NAALADL2: variants seen among roughly 807,000 people sequenced by gnomAD.
NAALADL2 encodes the protein N-acetylated alpha-linked acidic dipeptidase like 2.
A neutral mutation model predicts 87.2 loss-of-function variants in NAALADL2; 76 were observed. That is an observed-to-expected ratio of 0.87 (90% CI 0.72 to 1.05). The LOEUF is 1.05. Ranked by LOEUF, NAALADL2 falls within the 50% of genes least tolerant of loss-of-function variation. NAALADL2 has a pLI of 0.00. For synonymous variants in NAALADL2, 354 were observed against 331.0 expected (o/e 1.07, Z -0.75); for missense variants, 1,089 against 945.8 (o/e 1.15, Z -1.99).
At chr3:175,789,228 C>A (rs1237576301) in intron 13 of NAALADL2, among the ~76,000 whole-genome samples, 11 of 152,108 alleles carry the variant, frequency 7.2e-5, no homozygotes, top group Admixed American at 7.2e-4. Flanking sequence ...GATGAATGAG[C>A]TCTCAAGGTA....
intron 3 of NAALADL2, among the ~76,000 whole-genome samples, chr3:174,842,650 A>G (rs541626263): frequency 6.6e-6 from 1 of 152,258 alleles, no homozygotes; most frequent in Non-Finnish European, 1.5e-5. Context: ...TTCACAGCAG[A>G]TAATTACAAT....
rs1029778320 is a variant in NAALADL2, at chr3:175,018,071, T to A, written c.44-78719T>A. ...GCCATGCCACCTTTTGGATAAGAGG[T>A]CTCCATGTTTATATTCAAAATATCA... On this transcript the variant is annotated intron_variant, in intron 1 of 13. Coordinates refer to ENST00000454872, the MANE Select transcript of NAALADL2 (RefSeq NM_207015.3). 2.0e-5 allele frequency among the ~76,000 whole-genome samples: 3 copies of A among 152,082 alleles called. No homozygotes were observed. The South Asian group carries it at 6.2e-4, about 32-fold the overall frequency.
At chr3:174,759,885 G>T (rs1392285373) in intron 3 of NAALADL2, among the ~76,000 whole-genome samples, 1 of 152,072 alleles carries the variant, frequency 6.6e-6, no homozygotes, top group South Asian at 2.1e-4. Context: ...ATTTTCAGTA[G>T]ACATGGGGTT....
intron 4 of NAALADL2, among the ~76,000 whole-genome samples, chr3:175,262,844 AAGGCAAACTT>A (rs551739662): frequency 1.3e-5 from 2 of 151,958 alleles, no homozygotes; most frequent in Non-Finnish European, 2.9e-5. Flanking sequence ...TCTGTATAGG[AAGGCAAACTT>A]GCCTCTTTTT....
chr3:174,894,461 G>A (rs1444108525), intron 1 of NAALADL2, among the ~76,000 whole-genome samples: 1 of 151,632 alleles, frequency 6.6e-6, no homozygotes, highest in Non-Finnish European at 1.5e-5. Flanking sequence ...GGGCGTGGTG[G>A]TGCACACCTG....
intron 4 of NAALADL2, among the ~76,000 whole-genome samples, chr3:175,291,144 C>A (rs1286671964): frequency 1.3e-5 from 2 of 152,002 alleles, no homozygotes; most frequent in Non-Finnish European, 2.9e-5. Context: ...ATATGTATGT[C>A]AATGGATCAA....
chr3:174,794,981 CTTTTTTTTTTTTTT>C (rs772447340), intron 3 of NAALADL2, among the ~76,000 whole-genome samples: 1 of 66,696 alleles, frequency 1.5e-5, no homozygotes, highest in Non-Finnish European at 2.8e-5. Context: ...TCTAGTCCAG[CTTTTTTTTTTTTTT>C]TTTTTTTTTT....
At chr3:174,576,211 G>A (rs1218769152) in intron 2 of NAALADL2, among the ~76,000 whole-genome samples, 1 of 152,090 alleles carries the variant, frequency 6.6e-6, no homozygotes, top group African/African-American at 2.4e-5. Flanking sequence ...AACTCTAGGA[G>A]CCAAATGGAA....
intron 2 of NAALADL2, among the ~76,000 whole-genome samples, chr3:174,557,301 T>C (rs1479267979): frequency 6.6e-6 from 1 of 152,216 alleles, no homozygotes; most frequent in African/African-American, 2.4e-5. Flanking sequence ...ATTTTTAAAC[T>C]ACTATGAATA....
chr3:175,607,287 T>A lies in NAALADL2; in HGVS notation c.1801-20004T>A, dbSNP rs139052403. Reference sequence around the variant, plus strand: ...AAATTTATAATCTCATATTCATTGTTACATTTTATTGTATTTTTCTCAGAT... The same window carrying A: ...AAATTTATAATCTCATATTCATTGTAACATTTTATTGTATTTTTCTCAGAT... On this transcript the variant is annotated intron_variant, in intron 10 of 13. Transcript: ENST00000454872. Among the ~76,000 whole-genome samples, 548 of 152,346 alleles carry A rather than the reference T, an allele frequency of 3.6e-3. 1 individual carries two copies. Among genetic ancestry groups the A allele is most frequent in the African/African-American group, 0.013 (520 of 41,580 alleles).
intron 9 of NAALADL2, among the ~76,000 whole-genome samples, chr3:175,515,220 G>C (rs569338529): frequency 6.6e-6 from 1 of 152,226 alleles, no homozygotes; most frequent in African/African-American, 2.4e-5. Context: ...TTAAAAATAG[G>C]CTATAAATTA....
intron 1 of NAALADL2, among the ~76,000 whole-genome samples, chr3:174,997,287 C>T (rs893622792): frequency 2.6e-5 from 4 of 151,944 alleles, no homozygotes; most frequent in African/African-American, 9.7e-5. Context: ...TTTACATTCC[C>T]ACCAGCAGTG....
At chr3:175,668,859 T>C (rs894680246) in intron 11 of NAALADL2, among the ~76,000 whole-genome samples, 1 of 152,168 alleles carries the variant, frequency 6.6e-6, no homozygotes, top group African/African-American at 2.4e-5. Flanking sequence ...TATTTGTTTT[T>C]CAGATGCAAA....
At chr3:175,109,928 G>C (rs923504605) in intron 2 of NAALADL2, among the ~76,000 whole-genome samples, 6 of 151,930 alleles carry the variant, frequency 3.9e-5, no homozygotes, top group African/African-American at 1.4e-4. Flanking sequence ...CTATTCATTT[G>C]TAACATTCCA....
intron 5 of NAALADL2, among the ~76,000 whole-genome samples, chr3:175,440,640 G>A (rs923169094): frequency 4.6e-5 from 7 of 151,964 alleles, no homozygotes; most frequent in African/African-American, 9.7e-5. Flanking sequence ...AATTTGTTTC[G>A]CAGCTATTGT....
intron 2 of NAALADL2, among the ~76,000 whole-genome samples, chr3:174,713,050 G>A (rs900568962): frequency 4.2e-4 from 64 of 151,882 alleles, no homozygotes; most frequent in Non-Finnish European, 7.2e-4. Context: ...GAGAACATGC[G>A]GTGTTTGGTT....
At chr3:175,747,352 A>T (rs1204027075) in intron 12 of NAALADL2, among the ~76,000 whole-genome samples, 1 of 152,146 alleles carries the variant, frequency 6.6e-6, no homozygotes, top group African/African-American at 2.4e-5. Flanking sequence ...TACATTTTAT[A>T]TGTGACACTA....
chr3:175,605,100 A>G (rs1174142909), intron 10 of NAALADL2, among the ~76,000 whole-genome samples: 5 of 152,172 alleles, frequency 3.3e-5, no homozygotes, highest in Non-Finnish European at 7.4e-5. Flanking sequence ...TGTGCTTGCT[A>G]GTACCCACAC....
At chr3:175,723,475 G>T (rs2150040843) in intron 11 of NAALADL2, among the ~76,000 whole-genome samples, 1 of 152,198 alleles carries the variant, frequency 6.6e-6, no homozygotes, top group Non-Finnish European at 1.5e-5. Context: ...GGTGATGGTG[G>T]TAACATGGTA....
Sources: allele counts gnomAD v4.1 joint callset (sites outside exome capture counted in the v4.1 genomes callset), GRCh38; gene constraint gnomAD v4.1.1; transcripts MANE v1.5; gene names NCBI Gene and HGNC (gene_info 2026-07-23, HGNC 2026-07-21).